Variants in RXRG observed in about 807,000 individuals in gnomAD.
RXRG encodes the protein retinoic acid receptor RXR-gamma.
In RXRG, 19 loss-of-function variants were observed where a neutral mutation model predicts 49.2. The observed-to-expected ratio is 0.39, with a 90% CI of 0.27 to 0.57. RXRG has a LOEUF of 0.57. RXRG is among the 20% of genes least tolerant of loss of function. The pLI is 0.64. For synonymous variants in RXRG, 224 were observed against 216.6 expected, an observed-to-expected ratio of 1.03 and a Z score of -0.30; for missense variants, 452 against 592.5, an observed-to-expected ratio of 0.76 and a Z score of 2.46.
At chr1:165,414,317 C>T (rs10918175) in intron 4 of RXRG, among the ~76,000 whole-genome samples, 3,444 of 152,264 alleles carry the variant, frequency 0.023, 132 homozygotes, top group African/African-American at 0.079. Context: ...TTAAAGTACC[C>T]AAACCATAGA....
At chr1:165,431,268 T>C (rs1026352669) in intron 1 of RXRG, among the ~76,000 whole-genome samples, 4 of 152,160 alleles carry the variant, frequency 2.6e-5, no homozygotes, top group African/African-American at 9.7e-5. Flanking sequence ...AATTATGAAG[T>C]GATCTCAAGC....
At chr1:165,421,221 T>C (rs1658301397) in intron 2 of RXRG, among the ~76,000 whole-genome samples, 1 of 152,168 alleles carries the variant, frequency 6.6e-6, no homozygotes, top group Non-Finnish European at 1.5e-5. Context: ...CTATGAGGGA[T>C]ACAAAAAAGA....
intron 9 of RXRG, 150 bp from the exon 10 acceptor site, chr1:165,401,560 C>T (rs1657566777): frequency 2.5e-6 from 2 of 815,204 alleles, no homozygotes; most frequent in Non-Finnish European, 1.9e-6. Context: ...AATCTCTAAG[C>T]CTAAAGAGCT....
chr1:165,406,740 C>G, intron 9 of RXRG, 72 bp downstream of exon 9: 1 of 1,107,370 alleles, frequency 9.0e-7, no homozygotes, highest in East Asian at 2.4e-5. Context: ...GCCTGCTGCA[C>G]TTTAGGGGCT....
intron 4 of RXRG, among the ~76,000 whole-genome samples, chr1:165,413,309 C>A (rs1318270888): frequency 6.6e-6 from 1 of 152,156 alleles, no homozygotes; most frequent in Non-Finnish European, 1.5e-5. Flanking sequence ...ACCATTCATC[C>A]AACACGTGTT....
At chr1:165,440,527 A>C (rs1197717903) in intron 1 of RXRG, among the ~76,000 whole-genome samples, 1 of 152,218 alleles carries the variant, frequency 6.6e-6, no homozygotes, top group Non-Finnish European at 1.5e-5. Context: ...TCATTTTGGC[A>C]TTCAAAAAGT....
At chr1:165,434,272 A>ATATGTGTGTGTGTGTG (rs1553223950) in intron 1 of RXRG, among the ~76,000 whole-genome samples, 1 of 66,778 alleles carries the variant, frequency 1.5e-5, no homozygotes, top group African/African-American at 3.7e-5. Flanking sequence ...AATGAATTGC[A>ATATGTGTGTGTGTGTG]TGTGTGTATG....
Position 165,437,239 on chromosome 1 carries a change from C to G in RXRG, c.49+7606G>C. Reference sequence around the variant, plus strand: ...GAATGCCAGTCAGTCAGTCAGCCAGCACGCCTGGCTAAGCATCTGCTTGTA... The same window carrying G: ...GAATGCCAGTCAGTCAGTCAGCCAGGACGCCTGGCTAAGCATCTGCTTGTA... On this transcript the variant is annotated intron_variant, in intron 1 of 9. Transcript: ENST00000359842. 7.3e-6 allele frequency: 10 copies of G among 1,365,452 alleles called. No homozygotes were observed. The South Asian group carries it at 1.1e-4, about 16-fold the overall frequency. The allele number at this position is 1,365,452 out of a possible 1,614,324, so 84.6% of individuals were successfully genotyped here.
In RXRG at chr1:165,417,325, T is replaced by G. The variant is rs914424163; in HGVS notation, c.443-105A>C. 21 of 1,078,298 alleles carry G rather than the reference T, an allele frequency of 1.9e-5. No individual in the cohort carries two copies. The Middle Eastern group carries it at 1.4e-3, about 71-fold the overall frequency. 66.8% of individuals were successfully genotyped at this position (1,078,298 alleles called of 1,614,324 possible). ...TCCCCCAGAGAAACAGGCATATCAC[T>G]TGGGCATTGGGACAGAAAGCAAATA... is the stretch of plus-strand genomic sequence containing the variant. On this transcript the variant is annotated intron_variant, in intron 3 of 9. Transcript: ENST00000359842.
intron 9 of RXRG, among the ~76,000 whole-genome samples, 192 bp downstream of exon 9, chr1:165,406,620 G>A (rs368251817): frequency 1.3e-5 from 2 of 152,224 alleles, no homozygotes; most frequent in African/African-American, 4.8e-5. Context: ...GAGGCTAGAG[G>A]AGTGAATGGT....
Position 165,419,978 on chromosome 1 carries a change from T to C in RXRG, c.334A>G (p.Ile112Val). 1 of 1,613,070 alleles carries C rather than the reference T, an allele frequency of 6.2e-7. No individual in the cohort carries two copies. The highest frequency in any genetic ancestry group is 1.1e-5 in the South Asian group (1 of 90,768). The stretch of plus-strand genomic sequence containing the variant: ...CCGGGAAGCCCTGGTAAGGGCTTGA[T>C]GTCCTCTGAACTGCTGACACTGTTG... ...VVNSVSSSED[I>V]KPLPGLPGIG... The change falls in exon 3 of 10, where the codon ATC becomes GTC. Residue 112 changes from isoleucine to valine, a missense_variant. By Grantham distance (29) the Ile-to-Val change is conservative. Coordinates refer to ENST00000359842, the MANE Select transcript of RXRG (RefSeq NM_006917.5).
intron 6 of RXRG, among the ~76,000 whole-genome samples, 179 bp downstream of exon 6, chr1:165,410,523 A>T (rs1187768473): frequency 6.6e-6 from 1 of 152,248 alleles, no homozygotes; most frequent in Non-Finnish European, 1.5e-5. Context: ...ATGGGAAAAG[A>T]GTCCCACTTC....
intron 8 of RXRG, 67 bp from the exon 9 acceptor site, chr1:165,406,984 T>A: frequency 8.5e-7 from 1 of 1,179,572 alleles, no homozygotes; most frequent in Non-Finnish European, 1.3e-6. Context: ...CCATTCTCTC[T>A]GGCCACTCTC....
intron 4 of RXRG, among the ~76,000 whole-genome samples, chr1:165,412,626 G>GA (rs1342403349): frequency 6.6e-6 from 1 of 152,202 alleles, no homozygotes; most frequent in Non-Finnish European, 1.5e-5. Flanking sequence ...GTAGTTAACT[G>GA]AAATAATATC....
intron 4 of RXRG, among the ~76,000 whole-genome samples, chr1:165,412,345 G>A (rs1294591518): frequency 6.6e-6 from 1 of 152,028 alleles, no homozygotes; most frequent in African/African-American, 2.4e-5. Flanking sequence ...GTAGAAAGAA[G>A]AAAAGGAATA....
chr1:165,437,359 T>C (rs1658848056), intron 1 of RXRG, among the ~76,000 whole-genome samples: 1 of 152,160 alleles, frequency 6.6e-6, no homozygotes, highest in East Asian at 1.9e-4. Context: ...TCAAAATATT[T>C]GGAGATTAAT....
chr1:165,432,465 GA>G (rs1455056557), intron 1 of RXRG, among the ~76,000 whole-genome samples: 1 of 152,168 alleles, frequency 6.6e-6, no homozygotes, highest in African/African-American at 2.4e-5. Context: ...AGACAAGTTA[GA>G]AAACAACAAC....
At position 165,415,251 on chromosome 1, in the gene RXRG, T is replaced by G. The variant is rs969756117; in HGVS notation, c.622+1790A>C. On this transcript the variant is annotated intron_variant, in intron 4 of 9. Coordinates refer to ENST00000359842, the MANE Select transcript of RXRG (RefSeq NM_006917.5). ...GACAGCAAGTGCAAAGGCCCTGAGGTGGGTGCATCTCTGGTATAGTTGAGG... is the reference window on the plus strand; with the variant it reads ...GACAGCAAGTGCAAAGGCCCTGAGGGGGGTGCATCTCTGGTATAGTTGAGG... Among the ~76,000 whole-genome samples, 12 of 152,168 alleles carry G rather than the reference T, an allele frequency of 7.9e-5. No homozygotes were observed. In the East Asian group the frequency reaches 2.3e-3, roughly 29 times the overall value.
chr1:165,430,695 G>C (rs904249427), intron 1 of RXRG, among the ~76,000 whole-genome samples: 1 of 152,258 alleles, frequency 6.6e-6, no homozygotes, highest in Non-Finnish European at 1.5e-5. Flanking sequence ...GCATGGCAAA[G>C]TGGTTAAAAT....
Sources: gnomAD v4.1 joint callset for allele counts (sites outside exome capture counted in the v4.1 genomes callset) on GRCh38, gnomAD v4.1.1 for gene constraint, MANE v1.5 for transcripts, NCBI Gene and HGNC (gene_info 2026-07-23, HGNC 2026-07-21) for gene names.